The following CSF3R variants were observed in gnomAD, a reference collection of about 807,000 sequenced individuals.
The protein encoded by CSF3R is granulocyte colony-stimulating factor receptor.
In CSF3R, 52 loss-of-function variants were observed where a neutral mutation model predicts 84.4. The ratio of observed to expected loss-of-function variants is 0.62; its 90% CI spans 0.49 to 0.78. The LOEUF (loss-of-function observed/expected upper bound fraction) is 0.78. CSF3R is among the 30% of genes least tolerant of loss of function. CSF3R has a pLI of 0.00. For missense variants in CSF3R, 890 were observed against 1,055.7 expected (o/e 0.84, Z 2.17); for synonymous variants, 384 against 429.1 (o/e 0.89, Z 1.30).
chr1:36,473,805 A>G lies in CSF3R; in HGVS notation c.444T>C (p.Pro148=). 6.2e-7 allele frequency: 1 copy of G among 1,614,232 alleles called. No individual in the cohort carries two copies. Among genetic ancestry groups the G allele is most frequent in the Non-Finnish European group, 8.5e-7 (1 of 1,180,028 alleles). ...SSLICQWEPG[P]ETHLPTSFTL... ...TGAAGCTGGTGGGTAGGTGGGTCTC[A>G]GGTCCTGGCTCCCACTGGCAGATGA... The change falls in exon 5 of 17, where the codon CCT becomes CCC. Residue 148 remains proline, a synonymous_variant. Transcript: ENST00000373106.
chr1:36,468,651 A>T (rs1161088733), intron 12 of CSF3R: 1 of 213,586 alleles, frequency 4.7e-6, no homozygotes, highest in Non-Finnish European at 9.5e-6. Flanking sequence ...CGATCCTCCC[A>T]CCTCAGCCTC....
chr1:36,466,462 G>A lies in CSF3R; in HGVS notation c.2406C>T (p.Thr802=). ...FQASPLGTLV[T]PAPSQEDDCV... ...AGTCGTCCTCCTGGCTTGGGGCTGG[G>A]GTTACCAGGGTCCCCAAGGGGCTGG... is the stretch of plus-strand genomic sequence containing the variant. Residue 802 remains threonine, a synonymous_variant, in exon 17 of 17, where the codon ACC becomes ACT. Transcript: ENST00000373106. This position sits in a 1 kb window ranked among gnomAD's most constrained non-coding sequence, Gnocchi z 4.6. 6.2e-7 allele frequency: 1 copy of A among 1,612,346 alleles called. No individual in the cohort carries two copies. Among genetic ancestry groups the A allele is most frequent in the South Asian group, 1.1e-5 (1 of 90,832 alleles).
Position 36,472,476 on chromosome 1 carries a change from C to T in CSF3R, c.843+41G>A. The T allele has an allele frequency of 6.2e-7, 1 of 1,614,068 alleles. No individual in the cohort carries two copies. The highest frequency in any genetic ancestry group is 8.5e-7 in the Non-Finnish European group (1 of 1,179,984). ...CGAGCCCGACTTACCCTGCCCCCTGCCCCCACCACCTCAGGCTCTCCAGGT... is the reference window on the plus strand; with the variant it reads ...CGAGCCCGACTTACCCTGCCCCCTGTCCCCACCACCTCAGGCTCTCCAGGT... On this transcript the variant is annotated intron_variant, in intron 7 of 16. Transcript: ENST00000373106. This position sits in a 1 kb window ranked among gnomAD's most constrained non-coding sequence, Gnocchi z 5.0.
At position 36,473,789 on chromosome 1, in the gene CSF3R, T is replaced by G; in HGVS notation, c.460A>C (p.Thr154Pro). 2 of 1,613,980 alleles carry G rather than the reference T, an allele frequency of 1.2e-6. No homozygotes were observed. Among genetic ancestry groups the G allele is most frequent in the Non-Finnish European group, 8.5e-7 (1 of 1,179,980 alleles). The part of the protein sequence containing the change: ...WEPGPETHLP[T>P]SFTLKSFKSR... ...TTGAAACTCTTCAGAGTGAAGCTGG[T>G]GGGTAGGTGGGTCTCAGGTCCTGGC... is the stretch of plus-strand genomic sequence containing the variant. Residue 154 changes from threonine to proline, a missense_variant, in exon 5 of 17, where the codon ACC becomes CCC. Coordinates refer to ENST00000373106, the MANE Select transcript of CSF3R (RefSeq NM_000760.4).
chr1:36,467,208 C>T lies in CSF3R; in HGVS notation c.2040+22G>A, dbSNP rs373940579. 22 of 1,612,374 alleles carry T rather than the reference C, an allele frequency of 1.4e-5. No individual in the cohort carries two copies. The highest frequency in any genetic ancestry group is 8.3e-5 in the Admixed American group (5 of 60,022). Reference sequence around the variant, plus strand: ...TGGGCCGACATCCCCATCTCATTTCCCTCTCCCTCCTGGATTCTCACCTCC... The same window carrying T: ...TGGGCCGACATCCCCATCTCATTTCTCTCTCCCTCCTGGATTCTCACCTCC... On this transcript the variant is annotated intron_variant, in intron 16 of 16. Transcript: ENST00000373106. This position sits in a 1 kb window ranked among gnomAD's most constrained non-coding sequence, Gnocchi z 4.1.
rs779899857 is a variant in CSF3R at position 36,466,745 on chromosome 1, G to A, written c.2123C>T (p.Pro708Leu). ...CTCTGAGCTGTTATGGGACTCCCAG[G>A]GCACCGGCTTCTTTTCATCCTCCTC... is the stretch of plus-strand genomic sequence containing the variant. ...VLEEDEKKPV[P>L]WESHNSSETC... The change falls in exon 17 of 17, where the codon CCC becomes CTC. Residue 708 changes from proline to leucine, a missense_variant. By Grantham distance (98) the Pro-to-Leu change is moderately conservative (BLOSUM62 -3). Transcript: ENST00000373106. The surrounding 1 kb of genome is among the most constrained non-coding windows in gnomAD (Gnocchi z 4.6). 1.9e-6 allele frequency: 3 copies of A among 1,614,188 alleles called. No individual in the cohort carries two copies. Among genetic ancestry groups the A allele is most frequent in the Non-Finnish European group, 2.5e-6 (3 of 1,180,018 alleles).
chr1:36,469,808 G>A lies in CSF3R; in HGVS notation c.1318C>T (p.Arg440Ter), dbSNP rs756679232. 5.6e-6 allele frequency: 9 copies of A among 1,614,008 alleles called. No individual in the cohort carries two copies. The highest frequency in any genetic ancestry group is 2.7e-5 in the African/African-American group (2 of 74,934). Reference protein sequence around the residue: ...PALTRLHAMARDPHSLWVGWE... With the variant: ...PALTRLHAMA Reference sequence around the variant, plus strand: ...CCTACCCAGAGGCTGTGAGGGTCTCGGGCCATGGCATGGAGTCTGGTCAGA... The same window carrying A: ...CCTACCCAGAGGCTGTGAGGGTCTCAGGCCATGGCATGGAGTCTGGTCAGA... Residue 440 changes from arginine (R) to a stop codon, truncating the protein, a stop_gained, in exon 11 of 17, where the codon CGA (arginine) becomes TGA (stop). Transcript: ENST00000373106. LOFTEE classifies it high-confidence loss of function.
At position 36,469,757 on chromosome 1, in the gene CSF3R, G is replaced by A. The variant is rs2124111105; in HGVS notation, c.1369C>T (p.Gln457Ter). Residue 457 changes from glutamine (Q) to a stop codon, truncating the protein, a stop_gained, in exon 11 of 17, where the codon CAG becomes TAG. Coordinates refer to ENST00000373106, the MANE Select transcript of CSF3R (RefSeq NM_000760.4). LOFTEE classifies it high-confidence loss of function. ...VGWEPPNPWP[Q>*]GYVIEWGLGP... ...AGGCCCCACTCAATCACATAGCCCT[G>A]AGGCCATGGATTGGGGGGCTCCCAG... 1 of 1,614,184 alleles carries A rather than the reference G, an allele frequency of 6.2e-7. No homozygotes were observed. Among genetic ancestry groups the A allele is most frequent in the Non-Finnish European group, 8.5e-7 (1 of 1,180,038 alleles).
At chr1:36,480,556 C>CA (rs1651458076) in intron 2 of CSF3R, among the ~76,000 whole-genome samples, 1 of 152,166 alleles carries the variant, frequency 6.6e-6, no homozygotes, top group Admixed American at 6.5e-5. Flanking sequence ...GTCTTGGAGC[C>CA]AACACCTGAT....
At chr1:36,474,210 T>C (rs189698517) in intron 4 of CSF3R, among the ~76,000 whole-genome samples, 5 of 152,282 alleles carry the variant, frequency 3.3e-5, no homozygotes, top group African/African-American at 1.2e-4. Context: ...CCCTGTGATC[T>C]TGAAGTTATT....
At position 36,466,768 on chromosome 1, in the gene CSF3R, C is replaced by T. The variant is rs1162930913; in HGVS notation, c.2100G>A (p.Glu700=). The T allele has an allele frequency of 6.2e-7, 1 of 1,614,224 alleles. No individual in the cohort carries two copies. The highest frequency in any genetic ancestry group is 1.1e-5 in the South Asian group (1 of 91,088). ...TPPITKLTVL[E]EDEKKPVPWE... Reference sequence around the variant, plus strand: ...AGGGCACCGGCTTCTTTTCATCCTCCTCCAGCACTGTGAGCTTGGTGATGG... The same window carrying T: ...AGGGCACCGGCTTCTTTTCATCCTCTTCCAGCACTGTGAGCTTGGTGATGG... The change falls in exon 17 of 17, where the codon GAG becomes GAA. Residue 700 remains glutamate, a synonymous_variant. Transcript: ENST00000373106. The surrounding 1 kb of genome is among the most constrained non-coding windows in gnomAD (Gnocchi z 4.6).
rs750132507 is a variant in CSF3R, at chr1:36,475,426, G to T, written c.312C>A (p.Asn104Lys). ...HTQAFLSCCL[N>K]WGNSLQILDQ... ...CCAGGATCTGCAGGCTGTTGCCCCA[G>T]TTCAGGCAGCAGGAGAGAAAGGCCT... is the stretch of plus-strand genomic sequence containing the variant. Residue 104 changes from asparagine to lysine, a missense_variant, in exon 4 of 17, where the codon AAC becomes AAA. Coordinates refer to ENST00000373106, the MANE Select transcript of CSF3R (RefSeq NM_000760.4). The T allele has an allele frequency of 1.9e-6, 3 of 1,614,194 alleles. No individual in the cohort carries two copies. The highest frequency in any genetic ancestry group is 3.3e-5 in the Admixed American group (2 of 60,028).
intron 10 of CSF3R, 133 bp downstream of exon 10, chr1:36,471,300 G>A: frequency 2.2e-6 from 2 of 901,106 alleles, no homozygotes; most frequent in Non-Finnish European, 3.7e-6. Context: ...GCCCACCTCG[G>A]CCTCCCAAAG....
chr1:36,471,378 C>T, intron 10 of CSF3R, 55 bp downstream of exon 10: 2 of 1,542,968 alleles, frequency 1.3e-6, no homozygotes, highest in East Asian at 4.5e-5. Flanking sequence ...GGCAGTCTAG[C>T]CTTTGAATTG....
At chr1:36,478,485 C>T (rs978090542) in intron 3 of CSF3R, among the ~76,000 whole-genome samples, 42 of 151,900 alleles carry the variant, frequency 2.8e-4, no homozygotes, top group African/African-American at 8.9e-4. Flanking sequence ...GCTGAGATCC[C>T]GCTACTGTAC....
chr1:36,472,712 G>T lies in CSF3R; in HGVS notation c.674-26C>A, dbSNP rs1245949491. Reference sequence around the variant, plus strand: ...CTGCAAGGAGTGGGGCTGTCAGAAGGTCTCCCTATCCCACCCTAGAGGGCT... The same window carrying T: ...CTGCAAGGAGTGGGGCTGTCAGAAGTTCTCCCTATCCCACCCTAGAGGGCT... On this transcript the variant is annotated intron_variant, in intron 6 of 16. Transcript: ENST00000373106. This position sits in a 1 kb window ranked among gnomAD's most constrained non-coding sequence, Gnocchi z 5.0. The T allele has an allele frequency of 1.1e-5, 17 of 1,560,840 alleles. No individual in the cohort carries two copies. The highest frequency in any genetic ancestry group is 2.4e-5 in the South Asian group (2 of 85,070).
rs1337034612 is a variant in CSF3R at position 36,466,252 on chromosome 1, C to G, written c.*105G>C. On this transcript the variant is annotated 3_prime_UTR_variant, in exon 17 of 17. Coordinates refer to ENST00000373106, the MANE Select transcript of CSF3R (RefSeq NM_000760.4). The surrounding 1 kb of genome is among the most constrained non-coding windows in gnomAD (Gnocchi z 4.6). Reference sequence around the variant, plus strand: ...TGCTGGTGACTGGAGATGGTGAGAGCCTGGGCTGGGGTAGTTTTTAGTCAT... The same window carrying G: ...TGCTGGTGACTGGAGATGGTGAGAGGCTGGGCTGGGGTAGTTTTTAGTCAT... 3.1e-6 allele frequency: 5 copies of G among 1,613,588 alleles called. No homozygotes were observed. In the South Asian group the frequency reaches 5.5e-5, roughly 18 times the overall value.
intron 11 of CSF3R, 38 bp from the exon 12 acceptor site, chr1:36,469,295 CCTAACCTGTG>C: frequency 6.7e-7 from 1 of 1,501,204 alleles, no homozygotes; most frequent in Non-Finnish European, 9.3e-7. Context: ...TCTGTTAGGG[CCTAACCTGTG>C]CTAATGATCA....
intron 4 of CSF3R, among the ~76,000 whole-genome samples, chr1:36,474,717 G>C (rs1651013699): frequency 6.6e-6 from 1 of 152,104 alleles, no homozygotes; most frequent in South Asian, 2.1e-4. Context: ...TTTGAAACTG[G>C]GGTGGGGGAC....
Sources: gnomAD v4.1 joint callset for allele counts (sites outside exome capture counted in the v4.1 genomes callset) on GRCh38, gnomAD v4.1.1 for gene constraint, Gnocchi (gnomAD v3.1) non-coding constraint, MANE v1.5 for transcripts, NCBI Gene and HGNC (gene_info 2026-07-23, HGNC 2026-07-21) for gene names.